Variants in FLVCR2 observed in about 807,000 individuals in gnomAD.
FLVCR2 encodes choline/ethanolamine transporter FLVCR2.
In FLVCR2, 38 loss-of-function variants were observed where a neutral mutation model predicts 48.9. The observed-to-expected ratio is 0.78, with a 90% CI of 0.60 to 1.02. FLVCR2 has a LOEUF of 1.02. Among genes scored for constraint, FLVCR2 ranks in the 50% least tolerant of loss-of-function variants. The pLI is 0.00. For missense variants in FLVCR2, 664 were observed against 663.3 expected (o/e 1.00, Z -0.01); for synonymous variants, 255 against 257.0 (o/e 0.99, Z 0.07).
Position 75,579,661 on chromosome 14 carries a change from A to G in FLVCR2, c.669+20A>G, listed in dbSNP as rs114651469. On this transcript the variant is annotated intron_variant, in intron 1 of 9. Coordinates refer to ENST00000238667, the MANE Select transcript of FLVCR2 (RefSeq NM_017791.3). ...AATCAGGTAGGTAGAACAGTTTGTG[A>G]ATGTTCCCAGGGGCGTGTGTTAGAT... 9,074 of 1,613,616 alleles carry G rather than the reference A, an allele frequency of 5.6e-3. 43 individuals are homozygous for G. The highest frequency in any genetic ancestry group is 0.019 in the African/African-American group (1,459 of 75,012).
At chr14:75,632,583 C>T (rs959317850) in intron 3 of FLVCR2, 29 of 701,386 alleles carry the variant, frequency 4.1e-5, no homozygotes, top group African/African-American at 3.3e-4. Flanking sequence ...CAGTAGCTTC[C>T]GGAAGGCTAT....
rs977013723 is a variant in FLVCR2, at chr14:75,579,140, T to G, written c.168T>G (p.Ser56Arg). ...ACCCCAGCAGTTCGGCCCACCCCAG[T>G]GCCTTAGCCCAACCCAGTGGCTTGG... is the stretch of plus-strand genomic sequence containing the variant. ...SVHPSSSAHP[S>R]ALAQPSGLAH... The change falls in exon 1 of 10, where the codon AGT becomes AGG. Residue 56 changes from serine (S) to arginine (R), a missense_variant. Ser to Arg is a moderately radical substitution (Grantham distance 110). Coordinates refer to ENST00000238667, the MANE Select transcript of FLVCR2 (RefSeq NM_017791.3). 78 of 1,613,956 alleles carry G rather than the reference T, an allele frequency of 4.8e-5. No homozygotes were observed. The highest frequency in any genetic ancestry group is 6.5e-5 in the Non-Finnish European group (77 of 1,179,986).
chr14:75,601,259 GTTTTCC>G (rs1251580413), intron 1 of FLVCR2, among the ~76,000 whole-genome samples: 1 of 152,270 alleles, frequency 6.6e-6, no homozygotes, highest in East Asian at 1.9e-4. Flanking sequence ...CCTTTAAGCG[GTTTTCC>G]GCCTTGGGCG....
intron 3 of FLVCR2, among the ~76,000 whole-genome samples, chr14:75,627,300 G>T (rs866084582): frequency 6.7e-6 from 1 of 149,730 alleles, no homozygotes; most frequent in Non-Finnish European, 1.5e-5. Context: ...TAGAAAATCC[G>T]CTCCTCTATA....
In FLVCR2 at chr14:75,579,407, G is replaced by GGA; in HGVS notation, c.438_439dup (p.Lys147ArgfsTer22). 6.2e-7 allele frequency: 1 copy of GGA among 1,614,112 alleles called. No homozygotes were observed. Among genetic ancestry groups the GGA allele is most frequent in the South Asian group, 1.1e-5 (1 of 91,086 alleles). The stretch of plus-strand genomic sequence containing the variant: ...TGCTCCTGCCAGTGGCTTGGCTGCT[G>GGA]GAGAAGTTCGGCCTGCGCACCATTG... On this transcript the variant is annotated frameshift_variant, in exon 1 of 10. Transcript: ENST00000238667. LOFTEE classifies it high-confidence loss of function.
intron 3 of FLVCR2, among the ~76,000 whole-genome samples, chr14:75,625,297 C>A (rs1418116986): frequency 6.6e-6 from 1 of 150,974 alleles, no homozygotes; most frequent in South Asian, 2.1e-4. Flanking sequence ...TAATTGACTT[C>A]TATTTTATCT....
At chr14:75,606,074 C>A (rs1406378093) in intron 1 of FLVCR2, 4 of 183,170 alleles carry the variant, frequency 2.2e-5, no homozygotes, top group Non-Finnish European at 4.7e-5. Context: ...GGCTGGAGTG[C>A]GGTAGCATGA....
chr14:75,589,579 T>G (rs1216240881), intron 1 of FLVCR2, among the ~76,000 whole-genome samples: 1 of 152,112 alleles, frequency 6.6e-6, no homozygotes, highest in Non-Finnish European at 1.5e-5. Context: ...TCTACAGTTC[T>G]GGGGTCTTGG....
chr14:75,621,143 AACC>A (rs1889753285), intron 1 of FLVCR2, among the ~76,000 whole-genome samples: 2 of 152,202 alleles, frequency 1.3e-5, no homozygotes, highest in African/African-American at 4.8e-5. Flanking sequence ...TTTGGACTCC[AACC>A]CAGATAAGAA....
At chr14:75,612,614 C>A (rs889719920) in intron 1 of FLVCR2, among the ~76,000 whole-genome samples, 2 of 152,156 alleles carry the variant, frequency 1.3e-5, no homozygotes, top group African/African-American at 2.4e-5. Context: ...GTCATATGAG[C>A]GGTCTTTGCC....
chr14:75,636,737 C>T (rs918042804), intron 5 of FLVCR2, among the ~76,000 whole-genome samples: 5 of 152,204 alleles, frequency 3.3e-5, no homozygotes, highest in African/African-American at 9.6e-5. Flanking sequence ...GTGATCCCAT[C>T]ATTTCGGAGC....
At chr14:75,605,818 G>C in intron 1 of FLVCR2, 1 of 595,722 alleles carries the variant, frequency 1.7e-6, no homozygotes, top group East Asian at 2.8e-5. Flanking sequence ...GAGGGACACA[G>C]AAGCTGGAGC....
intron 1 of FLVCR2, among the ~76,000 whole-genome samples, chr14:75,619,483 ATC>A (rs1889707726): frequency 8.1e-6 from 1 of 122,720 alleles, no homozygotes; most frequent in African/African-American, 3.3e-5. Flanking sequence ...CTGCTCATCC[ATC>A]CATCCATCCA....
At chr14:75,584,524 CTCTAAGTT>C (rs542001869) in intron 1 of FLVCR2, among the ~76,000 whole-genome samples, 235 of 152,300 alleles carry the variant, frequency 1.5e-3, no homozygotes, top group African/African-American at 5.5e-3. Context: ...CGGGTAGTTT[CTCTAAGTT>C]TGTCATAATT....
At chr14:75,616,537 T>C (rs983639410) in intron 1 of FLVCR2, among the ~76,000 whole-genome samples, 1 of 152,122 alleles carries the variant, frequency 6.6e-6, no homozygotes, top group African/African-American at 2.4e-5. Flanking sequence ...TTATGGAGTA[T>C]GGACTTTTTT....
In FLVCR2 at chr14:75,619,096, C is replaced by T. The variant is rs1184851825; in HGVS notation, c.670-2983C>T. Among the ~76,000 whole-genome samples the T allele has an allele frequency of 7.9e-5, 12 of 152,044 alleles. No homozygotes were observed. In the East Asian group the frequency reaches 1.9e-3, roughly 25 times the overall value. On this transcript the variant is annotated intron_variant, in intron 1 of 9. Coordinates refer to ENST00000238667, the MANE Select transcript of FLVCR2 (RefSeq NM_017791.3). ...AAAATTAGCCAGGCATGTTGGTGGG[C>T]ACCTGTAATCCCAGCTACTTGGGAG...
chr14:75,607,804 G>A (rs1241926822), intron 1 of FLVCR2, among the ~76,000 whole-genome samples: 1 of 152,106 alleles, frequency 6.6e-6, no homozygotes, highest in Non-Finnish European at 1.5e-5. Flanking sequence ...TCGGTGTGGT[G>A]GTTCACACCT....
intron 1 of FLVCR2, among the ~76,000 whole-genome samples, chr14:75,620,241 A>G (rs768839645): frequency 1.3e-5 from 2 of 152,114 alleles, no homozygotes; most frequent in Non-Finnish European, 2.9e-5. Context: ...ACTCTGACAA[A>G]CCAGTATGAC....
At chr14:75,627,554 C>T (rs4903338) in intron 3 of FLVCR2, among the ~76,000 whole-genome samples, 16,112 of 152,192 alleles carry the variant, frequency 0.11, 1,075 homozygotes, top group South Asian at 0.28. Flanking sequence ...TGTCTCATAG[C>T]CATTGGAGGG....
Sources: gnomAD v4.1 joint callset for allele counts (sites outside exome capture counted in the v4.1 genomes callset) on GRCh38, gnomAD v4.1.1 for gene constraint, MANE v1.5 for transcripts, NCBI Gene and HGNC (gene_info 2026-07-23, HGNC 2026-07-21) for gene names.